CEP250: variants seen among roughly 807,000 people sequenced by gnomAD.
The protein encoded by CEP250 is centrosomal protein 250.
CEP250 carries 242 observed loss-of-function variants against 315.7 expected under a neutral mutation model. The ratio of observed to expected loss-of-function variants is 0.77; its 90% CI spans 0.69 to 0.85. CEP250 has a LOEUF of 0.85. Among genes scored for constraint, CEP250 ranks in the 40% least tolerant of loss-of-function variants. CEP250 has a pLI of 0.00. For missense variants in CEP250, 2,515 were observed against 2,886.4 expected (o/e 0.87, Z 2.95); for synonymous variants, 1,088 against 1,175.0 (o/e 0.93, Z 1.51).
At chr20:35,484,043 T>C (rs1327836458) in intron 20 of CEP250, among the ~76,000 whole-genome samples, 4 of 152,222 alleles carry the variant, frequency 2.6e-5, no homozygotes, top group Admixed American at 2.0e-4. Flanking sequence ...GTCTAGTAAT[T>C]CCAATAACTT....
chr20:35,462,081 A>C (rs915201851), intron 3 of CEP250, among the ~76,000 whole-genome samples, 184 bp from the exon 4 acceptor site: 1 of 152,216 alleles, frequency 6.6e-6, no homozygotes, highest in Admixed American at 6.5e-5. Context: ...CAGAGTTCCA[A>C]AAGTCATGCC....
At chr20:35,490,563 GT>G in intron 20 of CEP250, 73 bp from the exon 21 acceptor site, 1 of 1,442,226 alleles carries the variant, frequency 6.9e-7, no homozygotes. Flanking sequence ...GAGAGACTTT[GT>G]TTTTCCAATC....
Position 35,473,981 on chromosome 20 carries a change from G to A in CEP250, c.1500G>A (p.Gly500=), listed in dbSNP as rs528785420. Residue 500 remains glycine, a synonymous_variant, in exon 14 of 35, where the codon GGG becomes GGA. Coordinates refer to ENST00000397527, the MANE Select transcript of CEP250 (RefSeq NM_007186.6). ...TAAATGTGGAGCTTCAGCTGCAGGG[G>A]GACTCTGCCCAGGGCCAGAAGGAGG... ...RRVNVELQLQ[G]DSAQGQKEEQ... 1.2e-6 allele frequency: 2 copies of A among 1,608,224 alleles called. No individual in the cohort carries two copies. The highest frequency in any genetic ancestry group is 2.2e-5 in the East Asian group (1 of 44,666).
rs1601275251 is a variant in CEP250, at chr20:35,497,638, T to C, written c.3307-81T>C. On this transcript the variant is annotated intron_variant, in intron 25 of 34. Transcript: ENST00000397527. ...GCCCTGATCAGAGTTTGTACAAGGA[T>C]TGAGTGGGGTCTGGCCTGGGAAGGC... is the stretch of plus-strand genomic sequence containing the variant. The C allele has an allele frequency of 6.3e-6, 6 of 950,074 alleles. No individual in the cohort carries two copies. In the East Asian group the frequency reaches 1.6e-4, roughly 25 times the overall value. The allele number at this position is 950,074 out of a possible 1,614,324, so 58.9% of individuals were successfully genotyped here.
chr20:35,497,681 G>A (rs759565614), intron 25 of CEP250, 38 bp from the exon 26 acceptor site: 19 of 1,436,680 alleles, frequency 1.3e-5, no homozygotes, highest in Non-Finnish European at 1.5e-5. Context: ...GAGGGTATCC[G>A]CTTCCTGCTT....
intron 29 of CEP250, 27 bp from the exon 30 acceptor site, chr20:35,502,363 A>C: frequency 6.3e-7 from 1 of 1,577,356 alleles, no homozygotes; most frequent in Admixed American, 1.8e-5. Flanking sequence ...AGTGTAGTCT[A>C]AAGTGGCTTT....
At chr20:35,468,698 C>T (rs945497101) in intron 9 of CEP250, among the ~76,000 whole-genome samples, 2 of 152,134 alleles carry the variant, frequency 1.3e-5, no homozygotes, top group South Asian at 2.1e-4. Flanking sequence ...TTTTTTGAGA[C>T]AGAGTCTAGC....
intron 10 of CEP250, among the ~76,000 whole-genome samples, chr20:35,471,149 G>A (rs541646164): frequency 3.0e-4 from 46 of 152,062 alleles, no homozygotes; most frequent in African/African-American, 1.0e-3. Context: ...ATATCCATGG[G>A]GCTCAGATAA....
intron 5 of CEP250, among the ~76,000 whole-genome samples, chr20:35,465,036 T>A (rs1028368471): frequency 4.6e-5 from 7 of 152,232 alleles, no homozygotes; most frequent in African/African-American, 1.7e-4. Context: ...CATCTATAAT[T>A]GTGTCTCTTA....
chr20:35,504,650 A>C lies in CEP250; in HGVS notation c.6281A>C (p.Gln2094Pro), dbSNP rs1283154193. Residue 2094 changes from glutamine to proline, a missense_variant, in exon 30 of 35, where the codon CAG becomes CCG. By Grantham distance (76) the Gln-to-Pro change is moderately conservative (BLOSUM62 -1). Coordinates refer to ENST00000397527, the MANE Select transcript of CEP250 (RefSeq NM_007186.6). Reference protein sequence around the residue: ...REEEEIRGLHQSVRELQLTLA... With the variant: ...REEEEIRGLHPSVRELQLTLA... ...GAGGAGGAGATAAGGGGCCTTCATC[A>C]GAGTGTAAGGGAGCTACAGCTGACT... is the stretch of plus-strand genomic sequence containing the variant. The C allele has an allele frequency of 6.2e-7, 1 of 1,613,940 alleles. No individual in the cohort carries two copies. Among genetic ancestry groups the C allele is most frequent in the East Asian group, 2.2e-5 (1 of 44,888 alleles).
chr20:35,464,462 C>T (rs745397400), intron 5 of CEP250, among the ~76,000 whole-genome samples: 4 of 152,114 alleles, frequency 2.6e-5, no homozygotes, highest in Non-Finnish European at 5.9e-5. Context: ...CAGATACATG[C>T]CTCAACATCT....
chr20:35,504,643 C>A lies in CEP250; in HGVS notation c.6274C>A (p.Leu2092Ile), dbSNP rs1218748686. 1.2e-6 allele frequency: 2 copies of A among 1,614,092 alleles called. No homozygotes were observed. The highest frequency in any genetic ancestry group is 1.7e-6 in the Non-Finnish European group (2 of 1,180,018). ...QEREEEEIRGLHQSVRELQLT... is the reference protein window; with the variant it reads ...QEREEEEIRGIHQSVRELQLT... ...GAGAGAAGAGGAGGAGATAAGGGGCCTTCATCAGAGTGTAAGGGAGCTACA... is the reference window on the plus strand; with the variant it reads ...GAGAGAAGAGGAGGAGATAAGGGGCATTCATCAGAGTGTAAGGGAGCTACA... The change falls in exon 30 of 35, where the codon CTT (leucine) becomes ATT (isoleucine). Residue 2092 changes from leucine to isoleucine, a missense_variant. By Grantham distance (5) the Leu-to-Ile change is conservative (BLOSUM62 2). Coordinates refer to ENST00000397527, the MANE Select transcript of CEP250 (RefSeq NM_007186.6).
At chr20:35,510,815 C>T (rs893182839) in intron 34 of CEP250, among the ~76,000 whole-genome samples, 3 of 152,120 alleles carry the variant, frequency 2.0e-5, no homozygotes, top group Admixed American at 6.5e-5. Context: ...GCCAACATGA[C>T]GAAACCCTGT....
intron 7 of CEP250, among the ~76,000 whole-genome samples, chr20:35,466,505 C>G (rs750582228): frequency 6.6e-6 from 1 of 152,014 alleles, no homozygotes; most frequent in Non-Finnish European, 1.5e-5. Context: ...CTTACTGATT[C>G]CTGGTCTGGA....
At chr20:35,472,401 G>A (rs1357268249) in intron 11 of CEP250, among the ~76,000 whole-genome samples, 1 of 152,234 alleles carries the variant, frequency 6.6e-6, no homozygotes, top group African/African-American at 2.4e-5. Flanking sequence ...GCTAGATTCT[G>A]GTATTCAATA....
At position 35,511,719 on chromosome 20, in the gene CEP250, C is replaced by G; in HGVS notation, c.*93C>G. 1 of 1,477,180 alleles carries G rather than the reference C, an allele frequency of 6.8e-7. No individual in the cohort carries two copies. Among genetic ancestry groups the G allele is most frequent in the East Asian group, 2.4e-5 (1 of 42,104 alleles). The allele number at this position is 1,477,180 out of a possible 1,614,324, so 91.5% of individuals were successfully genotyped here. A position where few individuals can be genotyped will look rare whatever the true frequency, so the allele number is the denominator to read the frequency against. ...GGTTTGCCAAAGGAAAAGCCTGGCT[C>G]TGTTAGGCACCCAGGAGCCCCAGGT... On this transcript the variant is annotated 3_prime_UTR_variant, in exon 35 of 35. Transcript: ENST00000397527.
At chr20:35,456,583 A>G (rs771480159) in intron 1 of CEP250, among the ~76,000 whole-genome samples, 15 of 152,206 alleles carry the variant, frequency 9.9e-5, no homozygotes, top group Non-Finnish European at 2.1e-4. Context: ...TCGATCAGAA[A>G]GCTGCAGACA....
At position 35,504,252 on chromosome 20, in the gene CEP250, C is replaced by T; in HGVS notation, c.5883C>T (p.Ala1961=). The part of the protein sequence containing the change: ...SSRHQEEAAR[A]RAEALQEALG... ...GGCATCAGGAGGAGGCTGCCCGGGC[C>T]CGGGCTGAGGCTCTGCAGGAGGCCC... The change falls in exon 30 of 35, where the codon GCC becomes GCT. Residue 1961 remains alanine (A), a synonymous_variant. Transcript: ENST00000397527. 6.3e-7 allele frequency: 1 copy of T among 1,598,558 alleles called. No individual in the cohort carries two copies. The highest frequency in any genetic ancestry group is 8.5e-7 in the Non-Finnish European group (1 of 1,173,082).
intron 29 of CEP250, 46 bp downstream of exon 29, chr20:35,502,012 C>T: frequency 6.3e-7 from 1 of 1,586,878 alleles, no homozygotes; most frequent in South Asian, 1.1e-5. Flanking sequence ...CAGGAGTAGT[C>T]CCTTGGGCCC....
Sources: allele counts gnomAD v4.1 joint callset (sites outside exome capture counted in the v4.1 genomes callset), GRCh38; gene constraint gnomAD v4.1.1; transcripts MANE v1.5; gene names NCBI Gene and HGNC (gene_info 2026-07-23, HGNC 2026-07-21).